SIPA1L3: variants seen among roughly 807,000 people sequenced by gnomAD.
The protein encoded by SIPA1L3 is signal-induced proliferation-associated 1-like protein 3.
In SIPA1L3, 59 loss-of-function variants were observed where a neutral mutation model predicts 150.1. That is an observed-to-expected ratio of 0.39 (90% CI 0.32 to 0.49). The LOEUF (loss-of-function observed/expected upper bound fraction) is 0.49, where lower values mean the gene tolerates loss of function less well. Among genes scored for constraint, SIPA1L3 ranks in the 20% least tolerant of loss-of-function variants. The pLI, the probability that SIPA1L3 is intolerant of heterozygous loss-of-function variation, is 0.86. For synonymous variants in SIPA1L3, 1,070 were observed against 1,077.6 expected (o/e 0.99, Z 0.14); for missense variants, 2,211 against 2,489.5 (o/e 0.89, Z 2.38).
intron 1 of SIPA1L3, among the ~76,000 whole-genome samples, chr19:37,941,270 A>G (rs2046655118): frequency 6.6e-6 from 1 of 152,090 alleles, no homozygotes; most frequent in African/African-American, 2.4e-5. Flanking sequence ...TTTGGGGTGT[A>G]CAAAAATTGT....
At chr19:37,917,495 G>GGGACTAC (rs1331236009) in intron 1 of SIPA1L3, among the ~76,000 whole-genome samples, 1 of 152,326 alleles carries the variant, frequency 6.6e-6, no homozygotes, top group East Asian at 1.9e-4. Flanking sequence ...GGAGGTGCCA[G>GGGACTAC]GGACTACAGT....
chr19:38,160,260 C>T (rs1383348662), intron 13 of SIPA1L3, among the ~76,000 whole-genome samples: 4 of 152,250 alleles, frequency 2.6e-5, no homozygotes, highest in African/African-American at 9.6e-5. Flanking sequence ...ATGATCCCCC[C>T]ATCTTGGCCT....
intron 18 of SIPA1L3, among the ~76,000 whole-genome samples, chr19:38,197,901 C>T (rs148803696): frequency 4.2e-4 from 64 of 151,058 alleles, no homozygotes; most frequent in South Asian, 1.9e-3. Flanking sequence ...GTCCGTCCCC[C>T]ACATGCACCC....
At chr19:38,174,297 G>A (rs1972392502) in intron 15 of SIPA1L3, among the ~76,000 whole-genome samples, 1 of 152,208 alleles carries the variant, frequency 6.6e-6, no homozygotes, top group East Asian at 1.9e-4. Flanking sequence ...CTACACTGGA[G>A]CACAATTCCA....
intron 10 of SIPA1L3, among the ~76,000 whole-genome samples, chr19:38,134,353 A>AGGT (rs1971383066): frequency 7.4e-6 from 1 of 135,986 alleles, no homozygotes; most frequent in Non-Finnish European, 1.5e-5. Flanking sequence ...GTGAGATAGG[A>AGGT]GGTTGAGACT....
rs971723936 is a variant in SIPA1L3 at position 38,162,335 on chromosome 19, T to A, written c.3744T>A (p.Asp1248Glu). The change falls in exon 14 of 22, where the codon GAT becomes GAA. Residue 1248 changes from aspartate to glutamate, a missense_variant. Around this residue, in one of 5 missense-constraint regions of SIPA1L3, gnomAD observed 806 missense variants for 870.1 expected, o/e 0.93. Transcript: ENST00000222345. ...SSGNKHPSRQ[D>E]AAGKDSPNRH... ...GGAACAAGCACCCGTCCAGGCAGGATGCAGCAGGCAAAGATTCCCCCAACA... is the reference window on the plus strand; with the variant it reads ...GGAACAAGCACCCGTCCAGGCAGGAAGCAGCAGGCAAAGATTCCCCCAACA... 1.7e-5 allele frequency: 28 copies of A among 1,614,096 alleles called. No individual in the cohort carries two copies. Among genetic ancestry groups the A allele is most frequent in the Non-Finnish European group, 2.4e-5 (28 of 1,180,034 alleles).
intron 1 of SIPA1L3, among the ~76,000 whole-genome samples, chr19:37,949,251 T>C (rs557936292): frequency 7.9e-5 from 12 of 152,322 alleles, no homozygotes; most frequent in Admixed American, 7.8e-4. Flanking sequence ...TCATTGCTCC[T>C]TCTTTTATGG....
intron 10 of SIPA1L3, among the ~76,000 whole-genome samples, chr19:38,131,172 C>T (rs1342090566): frequency 6.6e-6 from 1 of 152,194 alleles, no homozygotes; most frequent in Non-Finnish European, 1.5e-5. Flanking sequence ...CAACAAAGTG[C>T]CTGCTCCCTT....
intron 9 of SIPA1L3, among the ~76,000 whole-genome samples, chr19:38,124,717 G>A (rs946747660): frequency 6.6e-6 from 1 of 152,230 alleles, no homozygotes; most frequent in Non-Finnish European, 1.5e-5. Flanking sequence ...GCACCATTGA[G>A]CACTGAGTGA....
intron 15 of SIPA1L3, among the ~76,000 whole-genome samples, chr19:38,181,845 C>CA (rs572648983): frequency 0.018 from 1,106 of 62,644 alleles, 11 homozygotes; most frequent in Middle Eastern, 0.043. Context: ...GACTCTGTCT[C>CA]AAAAAAAAAA....
chr19:38,025,864 G>A (rs1968497605), intron 1 of SIPA1L3, among the ~76,000 whole-genome samples: 1 of 152,150 alleles, frequency 6.6e-6, no homozygotes, highest in Non-Finnish European at 1.5e-5. Flanking sequence ...AATAGCAACG[G>A]CCCAAGAGGC....
intron 1 of SIPA1L3, chr19:37,964,117 T>C (rs960493567): frequency 6.6e-6 from 1 of 152,148 alleles, no homozygotes; most frequent in Non-Finnish European, 1.5e-5. Context: ...TTTCAGTAAA[T>C]AGTTCTAAAG....
intron 6 of SIPA1L3, among the ~76,000 whole-genome samples, chr19:38,104,553 T>C (rs936294258): frequency 2.6e-5 from 4 of 151,998 alleles, no homozygotes; most frequent in African/African-American, 9.7e-5. Flanking sequence ...CTGGCAGGTG[T>C]GAGTGTTAGT....
At chr19:38,126,926 C>A (rs1971187858) in intron 9 of SIPA1L3, among the ~76,000 whole-genome samples, 1 of 151,950 alleles carries the variant, frequency 6.6e-6, no homozygotes, top group Non-Finnish European at 1.5e-5. Context: ...GCTGCAGTGG[C>A]TCACACCTGT....
At chr19:38,026,691 G>A (rs1337330848) in intron 1 of SIPA1L3, among the ~76,000 whole-genome samples, 2 of 152,108 alleles carry the variant, frequency 1.3e-5, no homozygotes, top group Admixed American at 6.6e-5. Context: ...TTCGGGTCTC[G>A]TTGAGGGGTT....
chr19:38,015,105 A>T (rs1371072345), intron 1 of SIPA1L3, among the ~76,000 whole-genome samples: 2 of 152,066 alleles, frequency 1.3e-5, no homozygotes, highest in Non-Finnish European at 2.9e-5. Flanking sequence ...GTGAGCCACC[A>T]CGCCCAGCTC....
In SIPA1L3 at chr19:38,081,838, G is replaced by T. The variant is rs1220194632; in HGVS notation, c.273G>T (p.Glu91Asp). 6.2e-7 allele frequency: 1 copy of T among 1,613,902 alleles called. No homozygotes were observed. The part of the protein sequence containing the change: ...ARVADWPPKR[E>D]ALREHSNPSP... ...TGGCCGACTGGCCGCCCAAGCGGGA[G>T]GCCCTGAGAGAGCACAGCAACCCAA... The change falls in exon 3 of 22, where the codon GAG (glutamate) becomes GAT (aspartate). Residue 91 changes from glutamate to aspartate, a missense_variant. Physicochemically the swap from Glu to Asp is conservative, Grantham distance 45. Transcript: ENST00000222345.
At chr19:38,007,476 G>GA (rs1212844944) in intron 1 of SIPA1L3, among the ~76,000 whole-genome samples, 10 of 146,152 alleles carry the variant, frequency 6.8e-5, no homozygotes, top group Middle Eastern at 3.6e-3. Flanking sequence ...AGAAAGAAAA[G>GA]AAAAAAACAA....
At chr19:37,953,647 G>C (rs564125456) in intron 1 of SIPA1L3, among the ~76,000 whole-genome samples, 1 of 152,210 alleles carries the variant, frequency 6.6e-6, no homozygotes, top group Non-Finnish European at 1.5e-5. Context: ...TATCGGTTCA[G>C]AAAATCCCTT....
Sources: gnomAD v4.1 joint callset for allele counts (sites outside exome capture counted in the v4.1 genomes callset) on GRCh38, gnomAD v4.1.1 for gene constraint, gnomAD v4.1.1 regional missense constraint, MANE v1.5 for transcripts, NCBI Gene and HGNC (gene_info 2026-07-23, HGNC 2026-07-21) for gene names.